FRAS1: variants seen among roughly 807,000 people sequenced by gnomAD.
The protein encoded by FRAS1 is Fraser extracellular matrix complex subunit 1.
FRAS1 carries 290 observed loss-of-function variants against 435.2 expected under a neutral mutation model. The observed-to-expected ratio is 0.67, with a 90% CI of 0.61 to 0.73. The LOEUF is 0.73. Ranked by LOEUF, FRAS1 falls within the 30% of genes least tolerant of loss-of-function variation. The pLI is 0.00. For synonymous variants in FRAS1, 1,800 were observed against 1,851.0 expected (o/e 0.97, Z 0.71); for missense variants, 4,860 against 5,001.5 (o/e 0.97, Z 0.85).
Position 78,252,487 on chromosome 4 carries a change from T to C in FRAS1, c.405T>C (p.Cys135=). 3 of 1,613,820 alleles carry C rather than the reference T, an allele frequency of 1.9e-6. No homozygotes were observed. The highest frequency in any genetic ancestry group is 2.5e-6 in the Non-Finnish European group (3 of 1,179,822). Reference sequence around the variant, plus strand: ...CCCAACCATGCCCACCGCTGTCATGTGGACACCAGGAGCTGGCATTCATCC... The same window carrying C: ...CCCAACCATGCCCACCGCTGTCATGCGGACACCAGGAGCTGGCATTCATCC... ...CTPQPCPPLS[C]GHQELAFIPE... The change falls in exon 5 of 74, where the codon TGT becomes TGC. Residue 135 remains cysteine, a synonymous_variant. Coordinates refer to ENST00000512123, the MANE Select transcript of FRAS1 (RefSeq NM_025074.7).
intron 38 of FRAS1, among the ~76,000 whole-genome samples, chr4:78,434,963 C>A (rs911098288): frequency 6.7e-6 from 1 of 149,244 alleles, no homozygotes; most frequent in African/African-American, 2.6e-5. Context: ...GTTCCCTTAC[C>A]AAACGATCTT....
At chr4:78,276,190 A>C (rs1451648820) in intron 9 of FRAS1, among the ~76,000 whole-genome samples, 3 of 151,874 alleles carry the variant, frequency 2.0e-5, no homozygotes, top group Non-Finnish European at 1.5e-5. Context: ...ACTTCTCTAC[A>C]CTGGTTGTTC....
At chr4:78,270,552 C>T (rs1256111235) in intron 9 of FRAS1, among the ~76,000 whole-genome samples, 3 of 141,222 alleles carry the variant, frequency 2.1e-5, no homozygotes, top group African/African-American at 7.9e-5. Context: ...ACCCCGCCCC[C>T]CCGCCACCAC....
At chr4:78,418,899 C>A in intron 32 of FRAS1, 50 bp from the exon 33 acceptor site, 1 of 1,154,274 alleles carries the variant, frequency 8.7e-7, no homozygotes, top group Non-Finnish European at 1.3e-6. Flanking sequence ...TTGCCTCTGG[C>A]TTTTGTTTTT....
chr4:78,279,920 G>C (rs953439765), intron 10 of FRAS1, among the ~76,000 whole-genome samples: 4 of 152,152 alleles, frequency 2.6e-5, no homozygotes, highest in Non-Finnish European at 4.4e-5. Context: ...GGCATCAGTT[G>C]AAACAAATTT....
chr4:78,218,982 G>A (rs899491226), intron 2 of FRAS1, among the ~76,000 whole-genome samples: 1 of 152,174 alleles, frequency 6.6e-6, no homozygotes, highest in Non-Finnish European at 1.5e-5. Context: ...TTCTTATAGA[G>A]GGAACATGGT....
At chr4:78,298,822 G>T (rs1023658090) in intron 14 of FRAS1, among the ~76,000 whole-genome samples, 1 of 152,168 alleles carries the variant, frequency 6.6e-6, no homozygotes, top group South Asian at 2.1e-4. Context: ...GATACTGGGG[G>T]TTTGCAATGA....
chr4:78,477,382 G>T (rs947407548), intron 54 of FRAS1, among the ~76,000 whole-genome samples: 4 of 152,168 alleles, frequency 2.6e-5, no homozygotes, highest in African/African-American at 9.7e-5. Context: ...TCTGATGTTT[G>T]TAAAGCTTCA....
At chr4:78,369,063 T>C (rs1731393026) in intron 22 of FRAS1, among the ~76,000 whole-genome samples, 1 of 152,204 alleles carries the variant, frequency 6.6e-6, no homozygotes, top group South Asian at 2.1e-4. Flanking sequence ...GCTGTGATAG[T>C]AGTTCAGCAG....
In FRAS1 at chr4:78,317,450, A is replaced by G; in HGVS notation, c.1902A>G (p.Gln634=). ...TACSPPKALR[Q]GHCLPRCGEG... Reference sequence around the variant, plus strand: ...GCAGCCCCCCCAAGGCTCTGCGTCAAGGCCACTGTCTGCCCCGCTGTGGAG... The same window carrying G: ...GCAGCCCCCCCAAGGCTCTGCGTCAGGGCCACTGTCTGCCCCGCTGTGGAG... The change falls in exon 17 of 74, where the codon CAA becomes CAG. Residue 634 remains glutamine, a synonymous_variant. Coordinates refer to ENST00000512123, the MANE Select transcript of FRAS1 (RefSeq NM_025074.7). 5 of 1,613,972 alleles carry G rather than the reference A, an allele frequency of 3.1e-6. 1 individual carries two copies. In the Middle Eastern group the frequency reaches 8.2e-4, roughly 266 times the overall value.
chr4:78,224,474 GTA>G (rs1299901614), intron 2 of FRAS1, among the ~76,000 whole-genome samples: 2 of 152,132 alleles, frequency 1.3e-5, no homozygotes, highest in African/African-American at 4.8e-5. Context: ...ATATACATGT[GTA>G]TATATGTGTA....
In FRAS1 at chr4:78,448,175, C is replaced by T; in HGVS notation, c.6133C>T (p.Pro2045Ser). 1 of 1,613,590 alleles carries T rather than the reference C, an allele frequency of 6.2e-7. No individual in the cohort carries two copies. The highest frequency in any genetic ancestry group is 1.1e-5 in the South Asian group (1 of 91,056). The change falls in exon 44 of 74, where the codon CCT becomes TCT. Residue 2045 changes from proline to serine, a missense_variant. Pro to Ser is a moderately conservative substitution (Grantham distance 74, BLOSUM62 -1). Coordinates refer to ENST00000512123, the MANE Select transcript of FRAS1 (RefSeq NM_025074.7). Reference protein sequence around the residue: ...AGLVGYVPSVPGMVVDEFQFS... With the variant: ...AGLVGYVPSVSGMVVDEFQFS... The stretch of plus-strand genomic sequence containing the variant: ...GCTGGTTGGGTATGTGCCTAGTGTC[C>T]CTGGCATGGTCGTGGATGAGTTCCA...
At chr4:78,429,352 C>T in intron 36 of FRAS1, 126 bp downstream of exon 36, 1 of 1,193,430 alleles carries the variant, frequency 8.4e-7, no homozygotes. Context: ...GCATTCTCAC[C>T]TGTATCCTTC....
At chr4:78,325,226 T>C (rs931116169) in intron 18 of FRAS1, among the ~76,000 whole-genome samples, 1 of 152,190 alleles carries the variant, frequency 6.6e-6, no homozygotes, top group Admixed American at 6.5e-5. Flanking sequence ...AGAGCAAAAT[T>C]GCACAAAATT....
chr4:78,257,268 A>C (rs1725838267), intron 6 of FRAS1, among the ~76,000 whole-genome samples: 2 of 152,180 alleles, frequency 1.3e-5, no homozygotes, highest in African/African-American at 4.8e-5. Flanking sequence ...TCAGTATGCT[A>C]CTACTCCCAG....
chr4:78,176,027 G>A (rs1010345166), intron 2 of FRAS1, among the ~76,000 whole-genome samples: 1 of 152,202 alleles, frequency 6.6e-6, no homozygotes, highest in Non-Finnish European at 1.5e-5. Context: ...AGACATTAGT[G>A]AATTGAATGT....
chr4:78,492,250 C>T (rs1289691250), intron 59 of FRAS1, among the ~76,000 whole-genome samples: 4 of 152,138 alleles, frequency 2.6e-5, no homozygotes, highest in African/African-American at 9.7e-5. Flanking sequence ...CTTGCTATCC[C>T]CATCAAGCTA....
intron 72 of FRAS1, among the ~76,000 whole-genome samples, chr4:78,538,525 A>C (rs1341059699): frequency 6.6e-6 from 1 of 152,198 alleles, no homozygotes; most frequent in Non-Finnish European, 1.5e-5. Flanking sequence ...TTTATAAAGG[A>C]AAGAGGTTTC....
rs1052168169 is a variant in FRAS1, at chr4:78,319,633, A to T, written c.2137+647A>T. On this transcript the variant is annotated intron_variant, in intron 18 of 73. Coordinates refer to ENST00000512123, the MANE Select transcript of FRAS1 (RefSeq NM_025074.7). ...ATTGTAAACATATGTTCATTAAAAA[A>T]ATTTTATAATACACCCACTACCTAA... 22 of 286,688 alleles carry T rather than the reference A, an allele frequency of 7.7e-5. No homozygotes were observed. In the East Asian group the frequency reaches 1.1e-3, roughly 14 times the overall value. 17.8% of individuals were successfully genotyped at this position (286,688 alleles called of 1,614,324 possible).
Sources: allele counts gnomAD v4.1 joint callset (sites outside exome capture counted in the v4.1 genomes callset), GRCh38; gene constraint gnomAD v4.1.1; transcripts MANE v1.5; gene names NCBI Gene and HGNC (gene_info 2026-07-23, HGNC 2026-07-21).